NCSTN: variants seen among roughly 807,000 people sequenced by gnomAD.
NCSTN encodes nicastrin, also known as anterior pharynx-defective 2.
In NCSTN, 22 loss-of-function variants were observed where a neutral mutation model predicts 87.0. The ratio of observed to expected loss-of-function variants is 0.25; its 90% CI spans 0.18 to 0.36. NCSTN has a LOEUF of 0.36. Among genes scored for constraint, NCSTN ranks in the 10% least tolerant of loss-of-function variants. NCSTN has a pLI of 1.00. For synonymous variants in NCSTN, 306 were observed against 327.1 expected (o/e 0.94, Z 0.69); for missense variants, 693 against 883.3 (o/e 0.78, Z 2.73).
chr1:160,343,952 AGG>A, intron 1 of NCSTN: 2 of 123,332 alleles, frequency 1.6e-5, no homozygotes, highest in Non-Finnish European at 2.8e-5. Context: ...GCCTTGCCTC[AGG>A]TTTTTTTTTT....
chr1:160,358,079 C>G, intron 16 of NCSTN, 70 bp from the exon 17 acceptor site: 1 of 1,610,510 alleles, frequency 6.2e-7, no homozygotes, highest in Non-Finnish European at 8.5e-7. Flanking sequence ...AAACCCCAAA[C>G]AGTTATCCAA....
chr1:160,343,995 A>C, intron 1 of NCSTN: 1 of 262,684 alleles, frequency 3.8e-6, no homozygotes, highest in Non-Finnish European at 7.4e-6. Flanking sequence ...AAGCAAGAAT[A>C]AGGTAGGATA....
chr1:160,345,832 G>A (rs1386285598), intron 2 of NCSTN, among the ~76,000 whole-genome samples: 3 of 151,002 alleles, frequency 2.0e-5, no homozygotes, highest in African/African-American at 4.9e-5. Flanking sequence ...CTAGCTTCTC[G>A]GGAGGCGGAA....
rs763176674 is a variant in NCSTN, at chr1:160,358,163, A to G, written c.2022A>G (p.Thr674=). The G allele has an allele frequency of 1.9e-5, 30 of 1,613,980 alleles. No homozygotes were observed. In the East Asian group the frequency reaches 4.2e-4, roughly 23 times the overall value. The change falls in exon 17 of 17, where the codon ACA becomes ACG. Residue 674 remains threonine (T), a synonymous_variant. Coordinates refer to ENST00000294785, the MANE Select transcript of NCSTN (RefSeq NM_015331.3). ...ASKELELITL[T]VGFGILIFSL... ...TCCCCCTGCAGTTGATCACCCTGAC[A>G]GTGGGCTTCGGCATCCTCATCTTCT...
intron 1 of NCSTN, chr1:160,343,875 G>A (rs1028006406): frequency 2.2e-6 from 1 of 447,420 alleles, no homozygotes; most frequent in Non-Finnish European, 4.5e-6. Context: ...TGGGTGCTGT[G>A]CGGCGCTTAA....
chr1:160,354,093 A>G, intron 10 of NCSTN, 25 bp from the exon 11 acceptor site: 1 of 1,611,126 alleles, frequency 6.2e-7, no homozygotes, highest in South Asian at 1.1e-5. Flanking sequence ...GCCTCCCATC[A>G]GTTAATCTCC....
At chr1:160,351,675 C>T (rs200575152) in intron 6 of NCSTN, 21 bp from the exon 7 acceptor site, 8 of 1,548,366 alleles carry the variant, frequency 5.2e-6, no homozygotes, top group Non-Finnish European at 7.1e-6. Context: ...GTTGATCTCT[C>T]ATTGTTTGTG....
chr1:160,354,716 A>G (rs1304652143), intron 11 of NCSTN, among the ~76,000 whole-genome samples: 1 of 152,156 alleles, frequency 6.6e-6, no homozygotes, highest in African/African-American at 2.4e-5. Context: ...GAAATGTACC[A>G]TGTTCTTGCC....
chr1:160,358,296 G>A lies in NCSTN; in HGVS notation c.*25G>A, dbSNP rs1176819625. ...AGGAGGACCCCAGCTTTTCTTGCCA[G>A]CTCAGCAGTTCACTTCCTAGAGCAT... On this transcript the variant is annotated 3_prime_UTR_variant, in exon 17 of 17. Transcript: ENST00000294785. 6.2e-7 allele frequency: 1 copy of A among 1,613,686 alleles called. No individual in the cohort carries two copies. The highest frequency in any genetic ancestry group is 8.5e-7 in the Non-Finnish European group (1 of 1,180,016).
At chr1:160,352,342 T>C in intron 8 of NCSTN, 136 bp downstream of exon 8, 1 of 1,075,740 alleles carries the variant, frequency 9.3e-7, no homozygotes, top group South Asian at 1.5e-5. Flanking sequence ...TGTGTCTACA[T>C]GTGTCTCCCC....
chr1:160,348,916 G>C, intron 2 of NCSTN, 83 bp from the exon 3 acceptor site: 13 of 1,579,116 alleles, frequency 8.2e-6, no homozygotes, highest in Non-Finnish European at 1.1e-5. Flanking sequence ...ATCTTTAGGG[G>C]ATAAAAGATA....
chr1:160,349,142 G>T lies in NCSTN; in HGVS notation c.314+20G>T, dbSNP rs139696961. The T allele has an allele frequency of 5.0e-6, 8 of 1,613,958 alleles. No homozygotes were observed. In the African/African-American group the frequency reaches 1.1e-4, roughly 22 times the overall value. On this transcript the variant is annotated intron_variant, in intron 3 of 16. Transcript: ENST00000294785. ...TACCAGGTAAGAACTAGATGTATCT[G>T]CTGGGAAAACATCCATAGAGGGAAA...
At chr1:160,357,564 C>A (rs1214240346) in intron 16 of NCSTN, among the ~76,000 whole-genome samples, 1 of 152,160 alleles carries the variant, frequency 6.6e-6, no homozygotes, top group Non-Finnish European at 1.5e-5. Flanking sequence ...GTCACCACAC[C>A]CAGCTAATTT....
chr1:160,344,577 A>G (rs1229423374), intron 1 of NCSTN, 145 bp from the exon 2 acceptor site: 2 of 1,551,936 alleles, frequency 1.3e-6, no homozygotes, highest in Non-Finnish European at 1.7e-6. Context: ...TGTGTGCCCA[A>G]GAAATCAGAA....
rs1648210869 is a variant in NCSTN, at chr1:160,343,430, C to G, written c.34C>G (p.Pro12Ala). 3 of 1,612,790 alleles carry G rather than the reference C, an allele frequency of 1.9e-6. No homozygotes were observed. The highest frequency in any genetic ancestry group is 1.7e-4 in the Middle Eastern group (1 of 6,044). Residue 12 changes from proline to alanine, a missense_variant, in exon 1 of 17, where the codon CCG (proline) becomes GCG (alanine). Pro to Ala is a conservative substitution (Grantham distance 27). Coordinates refer to ENST00000294785, the MANE Select transcript of NCSTN (RefSeq NM_015331.3). ...ATAGGGSGAD[P>A]GSRGLLRLLS... ...GGCAGGGGGTGGCTCTGGGGCTGACCCGGGAAGTCGGGGTCTCCTTCGCCT... is the reference window on the plus strand; with the variant it reads ...GGCAGGGGGTGGCTCTGGGGCTGACGCGGGAAGTCGGGGTCTCCTTCGCCT...
intron 11 of NCSTN, 148 bp downstream of exon 11, chr1:160,354,438 C>G: frequency 1.2e-6 from 1 of 864,434 alleles, no homozygotes. Flanking sequence ...GGCGTTTTCA[C>G]ATCTGAACTG....
In NCSTN at chr1:160,352,902, A is replaced by T. The variant is rs745819633; in HGVS notation, c.1012A>T (p.Ile338Phe). 6.2e-7 allele frequency: 1 copy of T among 1,614,086 alleles called. No homozygotes were observed. Among genetic ancestry groups the T allele is most frequent in the Non-Finnish European group, 8.5e-7 (1 of 1,179,986 alleles). The change falls in exon 9 of 17, where the codon ATT (isoleucine) becomes TTT (phenylalanine). Residue 338 changes from isoleucine to phenylalanine, a missense_variant. Ile to Phe is a conservative substitution (Grantham distance 21, BLOSUM62 0). Around this residue, in one of 4 missense-constraint regions of NCSTN, gnomAD observed 134 missense variants for 226.0 expected, o/e 0.59. Transcript: ENST00000294785. ...VFFQGETFDY[I>F]GSSRMVYDME... The stretch of plus-strand genomic sequence containing the variant: ...CATCTCTCAGGAAACTTTTGACTAC[A>T]TTGGCAGCTCGAGGATGGTCTACGA...
chr1:160,354,425 A>G, intron 11 of NCSTN, 135 bp downstream of exon 11: 1 of 992,754 alleles, frequency 1.0e-6, no homozygotes, highest in Non-Finnish European at 1.6e-6. Context: ...TTCTTTGCTC[A>G]GTGGCGTTTT....
At chr1:160,347,163 G>C (rs1356555472) in intron 2 of NCSTN, among the ~76,000 whole-genome samples, 12 of 152,204 alleles carry the variant, frequency 7.9e-5, no homozygotes. Flanking sequence ...GGGGGTAAGC[G>C]GGACTGTGGC....
Sources: allele counts gnomAD v4.1 joint callset (sites outside exome capture counted in the v4.1 genomes callset), GRCh38; gene constraint gnomAD v4.1.1; regional missense constraint gnomAD v4.1.1; transcripts MANE v1.5; gene names NCBI Gene and HGNC (gene_info 2026-07-23, HGNC 2026-07-21).